Variants in NLK observed in about 807,000 individuals in gnomAD.
The protein encoded by NLK is serine/threonine-protein kinase NLK.
Under a neutral mutation model 59.0 loss-of-function variants are expected in NLK, and 11 were observed. The observed-to-expected ratio is 0.19, with a 90% CI of 0.12 to 0.31. The LOEUF (loss-of-function observed/expected upper bound fraction) is 0.31. NLK is among the 10% of genes least tolerant of loss of function. NLK has a pLI of 1.00. For synonymous variants in NLK, 235 were observed against 235.9 expected (o/e 1.00, Z 0.03); for missense variants, 410 against 661.1 (o/e 0.62, Z 4.16).
At chr17:28,163,186 C>G (rs35715489) in intron 4 of NLK, among the ~76,000 whole-genome samples, 2 of 152,162 alleles carry the variant, frequency 1.3e-5, no homozygotes, top group African/African-American at 4.8e-5. Flanking sequence ...GAGCAGGCTC[C>G]GAGTTGCAGG....
At chr17:28,168,173 A>C (rs1291818918) in intron 5 of NLK, among the ~76,000 whole-genome samples, 1 of 7,554 alleles carries the variant, frequency 1.3e-4, no homozygotes, top group Admixed American at 1.3e-3. Flanking sequence ...AAATAATACA[A>C]AAAAAAAAAA....
intron 1 of NLK, among the ~76,000 whole-genome samples, chr17:28,099,113 T>C (rs1904810298): frequency 1.3e-5 from 2 of 152,198 alleles, no homozygotes; most frequent in African/African-American, 4.8e-5. Flanking sequence ...CAAAATACTC[T>C]CCAGAAATGT....
chr17:28,200,953 C>T (rs919644604), downstream of NLK, among the ~76,000 whole-genome samples: 3 of 152,342 alleles, frequency 2.0e-5, no homozygotes. Flanking sequence ...TTCTAGGAAT[C>T]CTTTCTCCAT....
intron 1 of NLK, among the ~76,000 whole-genome samples, chr17:28,047,569 T>C (rs1909104153): frequency 6.6e-6 from 1 of 152,210 alleles, no homozygotes; most frequent in African/African-American, 2.4e-5. Flanking sequence ...ATGTAACAAA[T>C]GAAAGACATC....
intron 1 of NLK, among the ~76,000 whole-genome samples, chr17:28,049,498 G>A (rs1281817529): frequency 6.6e-6 from 1 of 152,096 alleles, no homozygotes; most frequent in African/African-American, 2.4e-5. Context: ...CCTCTATTAA[G>A]CTGCTGCTGC....
intron 3 of NLK, among the ~76,000 whole-genome samples, chr17:28,146,381 G>GA (rs1335090422): frequency 3.0e-5 from 2 of 65,788 alleles, no homozygotes; most frequent in East Asian, 9.7e-4. Flanking sequence ...ATATAACGAT[G>GA]TTGATGATGA....
intron 1 of NLK, among the ~76,000 whole-genome samples, chr17:28,099,639 C>T (rs1000039716): frequency 1.9e-4 from 26 of 140,246 alleles, no homozygotes; most frequent in African/African-American, 5.7e-4. Context: ...ACTGCAGTGG[C>T]GCAATCTCGG....
chr17:28,118,091 A>C (rs531283909), intron 1 of NLK, among the ~76,000 whole-genome samples: 2 of 152,204 alleles, frequency 1.3e-5, no homozygotes, highest in Admixed American at 6.5e-5. Context: ...GTTTGTTGTC[A>C]AAAATTTTGC....
chr17:28,190,225 T>G (rs915169762), intron 8 of NLK, among the ~76,000 whole-genome samples: 2 of 152,222 alleles, frequency 1.3e-5, no homozygotes, highest in African/African-American at 4.8e-5. Flanking sequence ...TCTACTGAGC[T>G]AAAAGAAGGG....
At chr17:28,067,221 TA>T (rs1909858453) in intron 1 of NLK, among the ~76,000 whole-genome samples, 1 of 152,238 alleles carries the variant, frequency 6.6e-6, no homozygotes, top group Non-Finnish European at 1.5e-5. Flanking sequence ...TTGTATAGTT[TA>T]ATGGTTTACA....
chr17:28,169,721 C>CTT (rs1193124964), intron 6 of NLK, among the ~76,000 whole-genome samples: 2,349 of 111,550 alleles, frequency 0.021, 76 homozygotes, highest in African/African-American at 0.072. Flanking sequence ...GCTTCTTCTT[C>CTT]TTTTTTTTTT....
chr17:28,199,675 AAAAAAAAAACAAAACAAAAC>A (rs1567745681), downstream of NLK, among the ~76,000 whole-genome samples: 3 of 65,182 alleles, frequency 4.6e-5, no homozygotes, highest in African/African-American at 2.1e-4. Context: ...CAAAAAAAAA[AAAAAAAAAACAAAACAAAAC>A]AAAAAAAAAA....
intron 1 of NLK, among the ~76,000 whole-genome samples, chr17:28,099,095 TACA>T (rs1313672196): frequency 2.0e-5 from 3 of 152,160 alleles, no homozygotes; most frequent in Non-Finnish European, 4.4e-5. Flanking sequence ...GTTTCGATAA[TACA>T]ACGCCAAAAT....
chr17:28,090,255 G>A (rs1307860392), intron 1 of NLK, among the ~76,000 whole-genome samples: 3 of 152,050 alleles, frequency 2.0e-5, no homozygotes, highest in Admixed American at 6.6e-5. Flanking sequence ...CAGCCTTTGG[G>A]CTACTGCTGT....
intron 1 of NLK, among the ~76,000 whole-genome samples, chr17:28,077,819 A>C (rs1033359810): frequency 1.3e-5 from 2 of 152,170 alleles, no homozygotes; most frequent in Admixed American, 6.5e-5. Context: ...ATAGATTTTC[A>C]TGTTTTTATA....
chr17:28,157,550 C>G (rs1269274767), intron 3 of NLK, among the ~76,000 whole-genome samples: 1 of 152,136 alleles, frequency 6.6e-6, no homozygotes, highest in Non-Finnish European at 1.5e-5. Context: ...TGGTCTCAAA[C>G]TCCTGGGCTC....
chr17:28,061,927 ATATATATATTT>A (rs1909670623), intron 1 of NLK: 1 of 140,340 alleles, frequency 7.1e-6, no homozygotes, highest in African/African-American at 2.6e-5. Context: ...ATATACATAT[ATATATATATTT>A]TTTTTTTTTT....
chr17:28,114,310 G>A (rs898537782), intron 1 of NLK, among the ~76,000 whole-genome samples: 1 of 152,104 alleles, frequency 6.6e-6, no homozygotes, highest in Non-Finnish European at 1.5e-5. Context: ...TGACTTAATA[G>A]ATAATGTCAA....
intron 3 of NLK, among the ~76,000 whole-genome samples, chr17:28,150,700 G>T (rs761351435): frequency 1.3e-5 from 2 of 152,106 alleles, no homozygotes; most frequent in Non-Finnish European, 2.9e-5. Context: ...AAGCAAATCA[G>T]TACATTTGAA....
Sources: gnomAD v4.1 joint callset for allele counts (sites outside exome capture counted in the v4.1 genomes callset) on GRCh38, gnomAD v4.1.1 for gene constraint, MANE v1.5 for transcripts, NCBI Gene and HGNC (gene_info 2026-07-23, HGNC 2026-07-21) for gene names.